Variants in HPS4 observed in about 807,000 individuals in gnomAD.
The protein encoded by HPS4 is HPS4 biogenesis of lysosomal organelles complex 3 subunit 2.
In HPS4, 44 loss-of-function variants were observed where a neutral mutation model predicts 70.3. The observed-to-expected ratio is 0.63, with a 90% CI of 0.49 to 0.80. The LOEUF is 0.80. Ranked by LOEUF, HPS4 falls within the 30% of genes least tolerant of loss-of-function variation. HPS4 has a pLI of 0.00. For missense variants in HPS4, 873 were observed against 884.4 expected (o/e 0.99, Z 0.16); for synonymous variants, 377 against 355.9 (o/e 1.06, Z -0.67).
In HPS4 at chr22:26,464,765, T is replaced by C. The variant is rs1569067217; in HGVS notation, c.865A>G (p.Ser289Gly). ...GCGTTTTCTTTCAGGGCAGATGTGC[T>C]CCCACCCTTTGGATGGTGCTGGGCT... ...GSAQHHPKGG[S>G]TSALKENATG... Residue 289 changes from serine to glycine, a missense_variant, in exon 11 of 14, where the codon AGC (serine) becomes GGC (glycine). Coordinates refer to ENST00000398145, the MANE Select transcript of HPS4 (RefSeq NM_022081.6). The C allele has an allele frequency of 1.3e-6, 2 of 1,585,990 alleles. No homozygotes were observed. The highest frequency in any genetic ancestry group is 2.2e-5 in the East Asian group (1 of 44,656).
chr22:26,480,338 T>A (rs919599331), intron 2 of HPS4, among the ~76,000 whole-genome samples: 1 of 151,468 alleles, frequency 6.6e-6, no homozygotes, highest in South Asian at 2.1e-4. Flanking sequence ...TGCTCGGCTA[T>A]TTTTTTTTAA....
chr22:26,457,810 T>G (rs1450946403), intron 13 of HPS4, 49 bp downstream of exon 13: 1 of 1,431,252 alleles, frequency 7.0e-7, no homozygotes, highest in East Asian at 2.3e-5. Flanking sequence ...GTGGTTCCCA[T>G]GAGCAGGACC....
intron 13 of HPS4, chr22:26,453,766 A>G (rs1367585483): frequency 5.7e-6 from 2 of 348,944 alleles, no homozygotes; most frequent in Non-Finnish European, 1.1e-5. Context: ...TGCCCCTCAC[A>G]TAAGCTCTGC....
chr22:26,476,888 G>T (rs115251191), intron 4 of HPS4, 105 bp downstream of exon 4: 2 of 1,204,314 alleles, frequency 1.7e-6, no homozygotes, highest in Non-Finnish European at 2.4e-6. Context: ...GTACATGGAT[G>T]AGGTTGGTGG....
chr22:26,465,916 T>C (rs1180462191), intron 9 of HPS4: 3 of 721,738 alleles, frequency 4.2e-6, no homozygotes, highest in Non-Finnish European at 6.8e-6. Flanking sequence ...GCAAAAGGTC[T>C]TTCTGGCAGT....
At chr22:26,483,630 G>T in intron 1 of HPS4, 44 bp downstream of exon 1, 1 of 329,680 alleles carries the variant, frequency 3.0e-6, no homozygotes, top group Non-Finnish European at 5.4e-6. Flanking sequence ...TAAGCTGGGG[G>T]CCCGCCCCTC....
At position 26,452,269 on chromosome 22, in the gene HPS4, A is replaced by G. The variant is rs2085345047; in HGVS notation, c.*964T>C. Reference sequence around the variant, plus strand: ...AAACATTCAGTTAAGATTTTGACAAATATTTTCATCCTGCAGTCTGTCTCA... The same window carrying G: ...AAACATTCAGTTAAGATTTTGACAAGTATTTTCATCCTGCAGTCTGTCTCA... On this transcript the variant is annotated 3_prime_UTR_variant, in exon 14 of 14. Coordinates refer to ENST00000398145, the MANE Select transcript of HPS4 (RefSeq NM_022081.6). 2.3e-6 allele frequency: 1 copy of G among 435,122 alleles called. No homozygotes were observed. Among genetic ancestry groups the G allele is most frequent in the South Asian group, 1.7e-5 (1 of 60,506 alleles). 27.0% of individuals were successfully genotyped at this position (435,122 alleles called of 1,614,324 possible). A position where few individuals can be genotyped will look rare whatever the true frequency, so the allele number is the denominator to read the frequency against.
At chr22:26,483,811 C>A, upstream of HPS4, 1 of 1,153,430 alleles carries the variant, frequency 8.7e-7, no homozygotes, top group Non-Finnish European at 1.1e-6. Context: ...GCCCCGCCTA[C>A]CTCCCCCTCC....
chr22:26,453,471 C>G, intron 13 of HPS4, 67 bp from the exon 14 acceptor site: 1 of 1,560,610 alleles, frequency 6.4e-7, no homozygotes, highest in South Asian at 1.1e-5. Flanking sequence ...ACACAGAGAC[C>G]TCAGTAAGGT....
chr22:26,470,270 G>A (rs938102856), intron 7 of HPS4, among the ~76,000 whole-genome samples: 1 of 152,240 alleles, frequency 6.6e-6, no homozygotes, highest in East Asian at 1.9e-4. Flanking sequence ...CAGCCAAGAG[G>A]CTTGAAGGCA....
At chr22:26,460,318 C>T (rs975361270) in intron 11 of HPS4, among the ~76,000 whole-genome samples, 1 of 152,252 alleles carries the variant, frequency 6.6e-6, no homozygotes, top group Non-Finnish European at 1.5e-5. Flanking sequence ...ATGTTCAGAT[C>T]ACTGAGAGAG....
chr22:26,462,524 C>G (rs2087512902), intron 11 of HPS4, among the ~76,000 whole-genome samples: 1 of 152,192 alleles, frequency 6.6e-6, no homozygotes, highest in African/African-American at 2.4e-5. Context: ...TAAGGCTTGG[C>G]TAAAACGAGA....
chr22:26,451,049 A>G lies in HPS4; in HGVS notation c.*2184T>C, dbSNP rs2085148670. On this transcript the variant is annotated 3_prime_UTR_variant, in exon 14 of 14. Coordinates refer to ENST00000398145, the MANE Select transcript of HPS4 (RefSeq NM_022081.6). ...AGAGGCTTTTCTGCCCTGAAGAGTCACTAGAATCTGTGGTCCTGGATCACT... is the reference window on the plus strand; with the variant it reads ...AGAGGCTTTTCTGCCCTGAAGAGTCGCTAGAATCTGTGGTCCTGGATCACT... Among the ~76,000 whole-genome samples the G allele has an allele frequency of 6.6e-6, 1 of 152,206 alleles. No homozygotes were observed. Among genetic ancestry groups the G allele is most frequent in the Admixed American group, 6.5e-5 (1 of 15,278 alleles).
intron 4 of HPS4, among the ~76,000 whole-genome samples, chr22:26,473,739 C>T (rs958937275): frequency 1.9e-4 from 29 of 150,208 alleles, no homozygotes; most frequent in African/African-American, 7.1e-4. Flanking sequence ...GAGACACCGT[C>T]TCAAAAAAAA....
At position 26,464,450 on chromosome 22, in the gene HPS4, C is replaced by T. The variant is rs142139781; in HGVS notation, c.1180G>A (p.Val394Ile). 9.9e-6 allele frequency: 16 copies of T among 1,614,066 alleles called. No homozygotes were observed. The African/African-American group carries it at 2.0e-4, about 20-fold the overall frequency. Residue 394 changes from valine (V) to isoleucine (I), a missense_variant, in exon 11 of 14, where the codon GTT becomes ATT. Coordinates refer to ENST00000398145, the MANE Select transcript of HPS4 (RefSeq NM_022081.6). ...CAGTAAGGAGCCCTGCCATCTGGAA[C>T]AGGCACATGTAGGAAGGCAAAATGA... ...SGHFAFLHVPVPDGRAPYCKA... is the reference protein window; with the variant it reads ...SGHFAFLHVPIPDGRAPYCKA...
intron 11 of HPS4, among the ~76,000 whole-genome samples, chr22:26,462,639 C>T (rs944934095): frequency 6.6e-6 from 1 of 152,142 alleles, no homozygotes; most frequent in African/African-American, 2.4e-5. Context: ...GGTATTATAT[C>T]CACTTTATTG....
intron 1 of HPS4, among the ~76,000 whole-genome samples, chr22:26,483,385 C>G (rs1349762718): frequency 6.6e-6 from 1 of 152,202 alleles, no homozygotes; most frequent in Non-Finnish European, 1.5e-5. Flanking sequence ...GTAATAGTAA[C>G]AACGCGGGGC....
intron 3 of HPS4, 26 bp from the exon 4 acceptor site, chr22:26,477,162 T>C (rs554138606): frequency 2.5e-6 from 4 of 1,614,004 alleles, no homozygotes; most frequent in Admixed American, 1.7e-5. Context: ...ACATTCCAGA[T>C]AGGAAGCTGA....
At position 26,458,525 on chromosome 22, in the gene HPS4, G is replaced by A. The variant is rs763915972; in HGVS notation, c.1766C>T (p.Thr589Met). 8.1e-6 allele frequency: 13 copies of A among 1,613,966 alleles called. No homozygotes were observed. Among genetic ancestry groups the A allele is most frequent in the African/African-American group, 2.7e-5 (2 of 74,900 alleles). Residue 589 changes from threonine (T) to methionine (M), a missense_variant, in exon 12 of 14, where the codon ACG (threonine) becomes ATG (methionine). Physicochemically the swap from Thr to Met is moderately conservative, Grantham distance 81. Transcript: ENST00000398145. ...LNGLEVHLKE[T>M]LPRDEAASTS... ...GGAGGCTGCCTCATCCCTGGGCAGC[G>A]TCTCTTTCAGGTGGACTTCCAGCCC...
Sources: allele counts gnomAD v4.1 joint callset (sites outside exome capture counted in the v4.1 genomes callset), GRCh38; gene constraint gnomAD v4.1.1; transcripts MANE v1.5; gene names NCBI Gene and HGNC (gene_info 2026-07-23, HGNC 2026-07-21).